The following OSBPL2 variants were observed in gnomAD, a reference collection of about 807,000 sequenced individuals.
OSBPL2 encodes oxysterol binding protein like 2, also known as oxysterol-binding protein-related protein 2.
A neutral mutation model predicts 58.4 loss-of-function variants in OSBPL2; 18 were observed. That is an observed-to-expected ratio of 0.31 (90% CI 0.21 to 0.46). OSBPL2 has a LOEUF of 0.46. Among genes scored for constraint, OSBPL2 ranks in the 20% least tolerant of loss-of-function variants. OSBPL2 has a pLI of 1.00. For missense variants in OSBPL2, 461 were observed against 616.5 expected (o/e 0.75, Z 2.67); for synonymous variants, 221 against 234.1 (o/e 0.94, Z 0.51).
At position 62,290,663 on chromosome 20, in the gene OSBPL2, G is replaced by A. The variant is rs527912034; in HGVS notation, c.1250-1040G>A. On this transcript the variant is annotated intron_variant, in intron 12 of 13. Transcript: ENST00000313733. ...TCTCGATCTCCTGACCTTGTGATCCGCCCGCCTCAGCCTCCCAGAGTGCTG... is the reference window on the plus strand; with the variant it reads ...TCTCGATCTCCTGACCTTGTGATCCACCCGCCTCAGCCTCCCAGAGTGCTG... Among the ~76,000 whole-genome samples, 505 of 148,614 alleles carry A rather than the reference G, an allele frequency of 3.4e-3. 3 individuals are homozygous for A. Among genetic ancestry groups the A allele is most frequent in the Non-Finnish European group, 4.4e-3 (298 of 67,322 alleles).
At position 62,294,064 on chromosome 20, in the gene OSBPL2, C is replaced by T. The variant is rs1983709972; in HGVS notation, c.*177C>T. 3.7e-6 allele frequency: 3 copies of T among 807,008 alleles called. 1 individual carries two copies. Among genetic ancestry groups the T allele is most frequent in the South Asian group, 3.8e-5 (2 of 53,288 alleles). The allele number at this position is 807,008 out of a possible 1,614,324, so 50.0% of individuals were successfully genotyped here. On this transcript the variant is annotated 3_prime_UTR_variant, in exon 14 of 14. Transcript: ENST00000313733. ...ATTAACTGTTGATTGCCAAACATTT[C>T]ACTCTGCTGTGCCGTCTCTTCATAA...
At chr20:62,292,269 C>T (rs182869625) in intron 13 of OSBPL2, among the ~76,000 whole-genome samples, 97 of 152,354 alleles carry the variant, frequency 6.4e-4, no homozygotes, top group Admixed American at 2.6e-3. Flanking sequence ...CCAGGGGCCA[C>T]AGCCCGTGTG....
rs114557086 is a variant in OSBPL2, at chr20:62,253,663, G to A, written c.-128-2394G>A. Among the ~76,000 whole-genome samples the A allele has an allele frequency of 3.4e-3, 519 of 150,976 alleles. 3 individuals carry two copies. Among genetic ancestry groups the A allele is most frequent in the African/African-American group, 0.012 (487 of 40,844 alleles). On this transcript the variant is annotated intron_variant, in intron 1 of 13. Transcript: ENST00000313733. ...TTGCTGTCATCTCATGGCAGAAGGT[G>A]GAAGGGCAAGAGAGGAGGGAAGAGA...
intron 1 of OSBPL2, among the ~76,000 whole-genome samples, chr20:62,250,338 C>T (rs534088096): frequency 2.0e-5 from 3 of 152,262 alleles, no homozygotes; most frequent in East Asian, 1.9e-4. Flanking sequence ...CAGGAGCGAC[C>T]GGGAGGCTGT....
intron 6 of OSBPL2, among the ~76,000 whole-genome samples, chr20:62,276,373 C>T (rs138556373): frequency 1.5e-3 from 229 of 152,298 alleles, no homozygotes; most frequent in African/African-American, 5.0e-3. Flanking sequence ...TGGGAGGATG[C>T]GTTGTTAGTA....
intron 5 of OSBPL2, 61 bp from the exon 6 acceptor site, chr20:62,273,248 A>G: frequency 7.3e-7 from 1 of 1,367,140 alleles, no homozygotes; most frequent in Non-Finnish European, 1.0e-6. Context: ...ACAAGAGGCC[A>G]TCTTCTCCAG....
chr20:62,296,066 T>C lies in OSBPL2; in HGVS notation c.*2179T>C, dbSNP rs1490407634. 6.6e-6 allele frequency: 1 copy of C among 152,210 alleles called. No individual in the cohort carries two copies. The highest frequency in any genetic ancestry group is 2.4e-5 in the African/African-American group (1 of 41,456). The allele number at this position is 152,210 out of a possible 1,614,324, so 9.4% of individuals were successfully genotyped here. On this transcript the variant is annotated 3_prime_UTR_variant, in exon 14 of 14. Transcript: ENST00000313733. ...CTGTGTGTCGAGGTTATTTTAACTT[T>C]TTACTACTTTTTGTTACTGTTTCTG... is the stretch of plus-strand genomic sequence containing the variant.
chr20:62,292,629 G>C (rs1250564182), intron 13 of OSBPL2, among the ~76,000 whole-genome samples: 1 of 152,182 alleles, frequency 6.6e-6, no homozygotes, highest in African/African-American at 2.4e-5. Flanking sequence ...TAAGTAAAAT[G>C]TTTTAGTTTG....
chr20:62,242,337 G>C (rs973588650), intron 1 of OSBPL2: 2 of 152,220 alleles, frequency 1.3e-5, no homozygotes, highest in South Asian at 4.1e-4. Flanking sequence ...AAAAGAACTT[G>C]GGATCATTCA....
At chr20:62,252,412 C>A (rs188624131) in intron 1 of OSBPL2, among the ~76,000 whole-genome samples, 1 of 152,158 alleles carries the variant, frequency 6.6e-6, no homozygotes, top group South Asian at 2.1e-4. Context: ...TGCACCCCCA[C>A]GTTCGCAGGT....
intron 1 of OSBPL2, among the ~76,000 whole-genome samples, chr20:62,253,411 G>A (rs1490587417): frequency 6.6e-6 from 1 of 152,212 alleles, no homozygotes; most frequent in African/African-American, 2.4e-5. Flanking sequence ...TATTCACCGT[G>A]TTTCAGCCTT....
intron 1 of OSBPL2, among the ~76,000 whole-genome samples, chr20:62,248,150 CTTTTCT>C (rs1980265128): frequency 9.3e-6 from 1 of 107,936 alleles, no homozygotes; most frequent in African/African-American, 3.6e-5. Flanking sequence ...TTTTTCTTTT[CTTTTCT>C]TTTTTTTTTT....
At position 62,263,671 on chromosome 20, in the gene OSBPL2, C is replaced by A. The variant is rs898306448; in HGVS notation, c.238C>A (p.Leu80Met). The A allele has an allele frequency of 6.2e-7, 1 of 1,614,088 alleles. No individual in the cohort carries two copies. Among genetic ancestry groups the A allele is most frequent in the African/African-American group, 1.3e-5 (1 of 74,946 alleles). The change falls in exon 4 of 14, where the codon CTG becomes ATG. Residue 80 changes from leucine (L) to methionine (M), a missense_variant. Transcript: ENST00000313733. ...AAGCGACTTCAGCGTGTGGACCATCCTGAAGAAGTGTGTTGGCCTGGTGAG... is the reference window on the plus strand; with the variant it reads ...AAGCGACTTCAGCGTGTGGACCATCATGAAGAAGTGTGTTGGCCTGGTGAG... ...SRSDFSVWTI[L>M]KKCVGLELSK... is the part of the protein sequence containing the mutation.
intron 4 of OSBPL2, chr20:62,271,538 A>C (rs931012572): frequency 1.3e-5 from 2 of 151,944 alleles, no homozygotes; most frequent in African/African-American, 4.9e-5. Flanking sequence ...CGCAACCTTC[A>C]CCTCCTGGGT....
intron 10 of OSBPL2, chr20:62,284,421 G>C: frequency 2.1e-6 from 1 of 481,938 alleles, no homozygotes; most frequent in Non-Finnish European, 3.8e-6. Flanking sequence ...CTGTTGCCCA[G>C]GCTGGAGTAC....
intron 1 of OSBPL2, chr20:62,255,388 C>T (rs1311651542): frequency 1.3e-5 from 2 of 152,218 alleles, no homozygotes; most frequent in Non-Finnish European, 2.9e-5. Context: ...GCTGGGATTA[C>T]AGGGGTGAGC....
intron 1 of OSBPL2, among the ~76,000 whole-genome samples, chr20:62,243,375 C>T (rs1230518460): frequency 6.6e-6 from 1 of 152,194 alleles, no homozygotes; most frequent in Non-Finnish European, 1.5e-5. Flanking sequence ...AGTGCCTGAG[C>T]TGGGGCCAGG....
chr20:62,256,042 T>C lies in OSBPL2; in HGVS notation c.-128-15T>C. On this transcript the variant is annotated splice_polypyrimidine_tract_variant and intron_variant, in intron 1 of 13. Transcript: ENST00000313733. The stretch of plus-strand genomic sequence containing the variant: ...CTTCTGGAAGCTAAGTATGCCAAAA[T>C]TTTTTTCCCTTTAGATCTTCAGTGT... 1 of 904,118 alleles carries C rather than the reference T, an allele frequency of 1.1e-6. No individual in the cohort carries two copies. Among genetic ancestry groups the C allele is most frequent in the Non-Finnish European group, 1.6e-6 (1 of 615,174 alleles). The allele number at this position is 904,118 out of a possible 1,614,324, so 56.0% of individuals were successfully genotyped here. A position where few individuals can be genotyped will look rare whatever the true frequency, so the allele number is the denominator to read the frequency against.
In OSBPL2 at chr20:62,295,738, T is replaced by C. The variant is rs1568859145; in HGVS notation, c.*1851T>C. The C allele has an allele frequency of 6.6e-6, 1 of 152,020 alleles. No homozygotes were observed. Among genetic ancestry groups the C allele is most frequent in the Non-Finnish European group, 1.5e-5 (1 of 67,984 alleles). 9.4% of individuals were successfully genotyped at this position (152,020 alleles called of 1,614,324 possible). On this transcript the variant is annotated 3_prime_UTR_variant, in exon 14 of 14. Transcript: ENST00000313733. The surrounding 1 kb of genome is among the most constrained non-coding windows in gnomAD (Gnocchi z 4.8). ...GAGGGTCATCTGCTTTTCCAGACTGTGGTTGTGAACCGGCTCCTTCTCCAA... is the reference window on the plus strand; with the variant it reads ...GAGGGTCATCTGCTTTTCCAGACTGCGGTTGTGAACCGGCTCCTTCTCCAA...
Sources: gnomAD v4.1 joint callset for allele counts (sites outside exome capture counted in the v4.1 genomes callset) on GRCh38, gnomAD v4.1.1 for gene constraint, Gnocchi (gnomAD v3.1) non-coding constraint, MANE v1.5 for transcripts, NCBI Gene and HGNC (gene_info 2026-07-23, HGNC 2026-07-21) for gene names.